The following NCALD variants were observed in gnomAD, a reference collection of about 807,000 sequenced individuals.
NCALD encodes neurocalcin delta.
In NCALD, 10 loss-of-function variants were observed where a neutral mutation model predicts 18.6. The observed-to-expected ratio is 0.54, with a 90% CI of 0.33 to 0.91. NCALD has a LOEUF of 0.91. NCALD is among the 40% of genes least tolerant of loss of function. The pLI, the probability that NCALD is intolerant of heterozygous loss-of-function variation, is 0.03. For missense variants in NCALD, 184 were observed against 247.6 expected (o/e 0.74, Z 1.72); for synonymous variants, 88 against 87.4 (o/e 1.01, Z -0.04).
At chr8:102,010,122 T>G (rs1356090629) in intron 2 of NCALD, among the ~76,000 whole-genome samples, 1 of 152,260 alleles carries the variant, frequency 6.6e-6, no homozygotes, top group Non-Finnish European at 1.5e-5. Flanking sequence ...AATGACCAAC[T>G]GTTCTGAGAA....
At chr8:101,950,118 A>G (rs1290559165) in intron 2 of NCALD, 1 of 152,390 alleles carries the variant, frequency 6.6e-6, no homozygotes, top group Non-Finnish European at 1.5e-5. Flanking sequence ...CTCTCTCCCC[A>G]AACCCCACAA....
intron 4 of NCALD, among the ~76,000 whole-genome samples, chr8:101,880,077 T>TGGGGGGGA (rs1563852413): frequency 6.5e-4 from 2 of 3,096 alleles, no homozygotes; most frequent in African/African-American, 4.7e-3. Flanking sequence ...GCCCATGGTG[T>TGGGGGGGA]GGGGGGGAGG....
At chr8:101,700,665 C>G (rs928967037) in intron 2 of NCALD, among the ~76,000 whole-genome samples, 9 of 152,114 alleles carry the variant, frequency 5.9e-5, no homozygotes, top group Non-Finnish European at 8.8e-5. Context: ...TCCCTTAACA[C>G]TCCTGAAGAA....
intron 2 of NCALD, among the ~76,000 whole-genome samples, chr8:101,696,080 C>G (rs77700549): frequency 0.022 from 3,359 of 152,132 alleles, 126 homozygotes; most frequent in African/African-American, 0.077. Context: ...CCCTTAGAAA[C>G]CATGCAAACC....
intron 1 of NCALD, among the ~76,000 whole-genome samples, chr8:101,781,081 A>T (rs1222477123): frequency 1.3e-5 from 2 of 152,162 alleles, no homozygotes; most frequent in Non-Finnish European, 2.9e-5. Flanking sequence ...GCACAAACAG[A>T]TCTAATGACA....
chr8:102,067,644 A>T (rs1824053014), intron 1 of NCALD, among the ~76,000 whole-genome samples: 1 of 152,192 alleles, frequency 6.6e-6, no homozygotes, highest in Non-Finnish European at 1.5e-5. Flanking sequence ...CAGAAAGTTA[A>T]ACATACACCT....
intron 4 of NCALD, among the ~76,000 whole-genome samples, chr8:101,859,438 T>C (rs1815450911): frequency 6.6e-6 from 1 of 152,154 alleles, no homozygotes; most frequent in Non-Finnish European, 1.5e-5. Context: ...TAAACTCCTC[T>C]TCACATATAC....
At chr8:102,113,085 A>C (rs937022527) in intron 1 of NCALD, among the ~76,000 whole-genome samples, 1 of 152,256 alleles carries the variant, frequency 6.6e-6, no homozygotes, top group Non-Finnish European at 1.5e-5. Flanking sequence ...CAATGGAAAC[A>C]GAAAAAAATA....
intron 4 of NCALD, among the ~76,000 whole-genome samples, chr8:101,805,877 G>T (rs1813082716): frequency 6.6e-6 from 1 of 152,174 alleles, no homozygotes; most frequent in African/African-American, 2.4e-5. Context: ...TCAACCGCCA[G>T]AACTTCACTG....
At chr8:102,111,926 A>G (rs1825653675) in intron 1 of NCALD, among the ~76,000 whole-genome samples, 1 of 152,246 alleles carries the variant, frequency 6.6e-6, no homozygotes, top group African/African-American at 2.4e-5. Context: ...ATGGGTGATA[A>G]CACTACAGTT....
chr8:101,783,456 T>C (rs1812097718), intron 1 of NCALD, among the ~76,000 whole-genome samples: 2 of 152,212 alleles, frequency 1.3e-5, no homozygotes, highest in Non-Finnish European at 2.9e-5. Context: ...AAATTTTACC[T>C]GGCTAAGGAG....
chr8:101,839,661 G>A (rs1011659761), intron 4 of NCALD, among the ~76,000 whole-genome samples: 2 of 152,154 alleles, frequency 1.3e-5, no homozygotes, highest in African/African-American at 4.8e-5. Flanking sequence ...CTCCTATATG[G>A]AAATTCAGGA....
At chr8:102,012,658 T>C (rs1292586638) in intron 2 of NCALD, among the ~76,000 whole-genome samples, 1 of 152,228 alleles carries the variant, frequency 6.6e-6, no homozygotes, top group Non-Finnish European at 1.5e-5. Flanking sequence ...TAATGATGAA[T>C]CATGCAGTGA....
intron 2 of NCALD, among the ~76,000 whole-genome samples, chr8:101,984,950 T>G (rs936854852): frequency 6.6e-6 from 1 of 152,172 alleles, no homozygotes; most frequent in African/African-American, 2.4e-5. Context: ...ATACCTCCCA[T>G]GGACACCAGC....
At chr8:101,894,453 C>T (rs1817060228) in intron 3 of NCALD, among the ~76,000 whole-genome samples, 1 of 141,616 alleles carries the variant, frequency 7.1e-6, no homozygotes, top group Non-Finnish European at 1.5e-5. Flanking sequence ...ATTAAAAGAA[C>T]TAGAAAAGCA....
chr8:101,904,247 T>C (rs1366193975), intron 3 of NCALD, among the ~76,000 whole-genome samples: 1 of 152,188 alleles, frequency 6.6e-6, no homozygotes, highest in Admixed American at 6.5e-5. Flanking sequence ...TCATCAAATC[T>C]GTCCTGTGCA....
upstream of NCALD, among the ~76,000 whole-genome samples, chr8:101,791,591 GTC>G (rs1355834409): frequency 2.6e-5 from 4 of 152,182 alleles, no homozygotes; most frequent in Admixed American, 2.6e-4. Context: ...AGGTAAGACA[GTC>G]TAATGATCCT....
chr8:101,903,997 C>G (rs888336800), intron 3 of NCALD, among the ~76,000 whole-genome samples: 1 of 152,186 alleles, frequency 6.6e-6, no homozygotes, highest in Non-Finnish European at 1.5e-5. Flanking sequence ...CCCACTCCTG[C>G]GCTCCTGTAG....
At chr8:102,077,475 T>G (rs979780210) in intron 1 of NCALD, among the ~76,000 whole-genome samples, 1 of 152,094 alleles carries the variant, frequency 6.6e-6, no homozygotes, top group African/African-American at 2.4e-5. Flanking sequence ...AAGAGGGAAC[T>G]AATAAAAAGT....
Sources: gnomAD v4.1 joint callset for allele counts (sites outside exome capture counted in the v4.1 genomes callset) on GRCh38, gnomAD v4.1.1 for gene constraint, MANE v1.5 for transcripts, NCBI Gene and HGNC (gene_info 2026-07-23, HGNC 2026-07-21) for gene names.